FAM171A1: variants seen among roughly 807,000 people sequenced by gnomAD.
The protein encoded by FAM171A1 is family with sequence similarity 171 member A1, also known as protein FAM171A1.
Under a neutral mutation model 74.9 loss-of-function variants are expected in FAM171A1, and 23 were observed. That is an observed-to-expected ratio of 0.31 (90% confidence interval 0.22 to 0.44). FAM171A1 has a LOEUF of 0.44. Ranked by LOEUF, FAM171A1 falls within the 20% of genes least tolerant of loss-of-function variation. The pLI, the probability that FAM171A1 is intolerant of heterozygous loss-of-function variation, is 1.00. For missense variants in FAM171A1, 1,162 were observed against 1,159.2 expected (o/e 1.00, Z -0.03); for synonymous variants, 527 against 505.7 (o/e 1.04, Z -0.57).
chr10:15,287,518 G>C (rs1316021294), intron 1 of FAM171A1, among the ~76,000 whole-genome samples: 1 of 151,860 alleles, frequency 6.6e-6, no homozygotes, highest in Non-Finnish European at 1.5e-5. Flanking sequence ...CACCAGAGTA[G>C]CTGGGACTAC....
intron 1 of FAM171A1, among the ~76,000 whole-genome samples, chr10:15,312,634 G>T (rs1312371769): frequency 1.5e-5 from 2 of 130,912 alleles, no homozygotes; most frequent in African/African-American, 5.8e-5. Flanking sequence ...TCTGTCACCG[G>T]AATGTAAATC....
Position 15,315,699 on chromosome 10 carries a change from A to G in FAM171A1, c.98-31594T>C, listed in dbSNP as rs190358268. ...GAGACCTTGATCATGCTAGAAAGCC[A>G]TCGCCTTACCTCCCTGGGATTCACC... On this transcript the variant is annotated intron_variant, in intron 1 of 7. Transcript: ENST00000378116. Among the ~76,000 whole-genome samples, 718 of 152,258 alleles carry G rather than the reference A, an allele frequency of 4.7e-3. 2 individuals are homozygous for G. The highest frequency in any genetic ancestry group is 5.9e-3 in the Non-Finnish European group (401 of 68,028).
intron 1 of FAM171A1, among the ~76,000 whole-genome samples, chr10:15,346,251 A>G (rs568858539): frequency 6.6e-6 from 1 of 152,084 alleles, no homozygotes; most frequent in Non-Finnish European, 1.5e-5. Flanking sequence ...GCGCATCACC[A>G]TGCCTGGTTA....
At chr10:15,274,996 G>A (rs766563626) in intron 3 of FAM171A1, among the ~76,000 whole-genome samples, 31 of 152,096 alleles carry the variant, frequency 2.0e-4, no homozygotes, top group African/African-American at 3.6e-4. Context: ...GCAAACTATC[G>A]CAAGGACAGA....
At chr10:15,313,230 C>G (rs148814171) in intron 1 of FAM171A1, among the ~76,000 whole-genome samples, 1 of 152,352 alleles carries the variant, frequency 6.6e-6, no homozygotes, top group East Asian at 1.9e-4. Flanking sequence ...CAGCAGTAAA[C>G]CTCCTGTTCC....
rs138419339 is a variant in FAM171A1 at position 15,301,695 on chromosome 10, T to A, written c.98-17590A>T. Reference sequence around the variant, plus strand: ...CCTCTTTGCATTGCCCTGTGGGAAATGGGGTTCAGGGAACTGGAGCAAGAA... The same window carrying A: ...CCTCTTTGCATTGCCCTGTGGGAAAAGGGGTTCAGGGAACTGGAGCAAGAA... On this transcript the variant is annotated intron_variant, in intron 1 of 7. Transcript: ENST00000378116. Among the ~76,000 whole-genome samples, 15 of 152,202 alleles carry A rather than the reference T, an allele frequency of 9.9e-5. No individual in the cohort carries two copies. In the East Asian group the frequency reaches 2.7e-3, roughly 27 times the overall value.
intron 1 of FAM171A1, among the ~76,000 whole-genome samples, chr10:15,287,095 T>C (rs1031028763): frequency 3.4e-5 from 5 of 149,010 alleles, no homozygotes; most frequent in Non-Finnish European, 3.0e-5. Flanking sequence ...CTTCTTCTTT[T>C]TTTTTTTTTT....
intron 1 of FAM171A1, among the ~76,000 whole-genome samples, chr10:15,347,623 G>A (rs1171789422): frequency 1.3e-5 from 2 of 151,998 alleles, no homozygotes; most frequent in African/African-American, 2.4e-5. Flanking sequence ...GGATGACAAA[G>A]TCAAGAGATG....
At chr10:15,294,272 G>A (rs1321432759) in intron 1 of FAM171A1, among the ~76,000 whole-genome samples, 1 of 152,098 alleles carries the variant, frequency 6.6e-6, no homozygotes, top group Non-Finnish European at 1.5e-5. Flanking sequence ...TATCTAGCTG[G>A]GGACCATCTC....
At chr10:15,255,387 A>G (rs2131769615) in intron 3 of FAM171A1, among the ~76,000 whole-genome samples, 1 of 152,346 alleles carries the variant, frequency 6.6e-6, no homozygotes, top group African/African-American at 2.4e-5. Flanking sequence ...AATTGCAAAC[A>G]ATACCCCAGC....
At chr10:15,330,877 C>G (rs12764707) in intron 1 of FAM171A1, among the ~76,000 whole-genome samples, 10,933 of 151,566 alleles carry the variant, frequency 0.072, 504 homozygotes, top group Middle Eastern at 0.11. Context: ...GCCACCACAC[C>G]TGGCTAATTT....
At chr10:15,346,401 G>A (rs1835817492) in intron 1 of FAM171A1, among the ~76,000 whole-genome samples, 1 of 152,152 alleles carries the variant, frequency 6.6e-6, no homozygotes, top group Admixed American at 6.5e-5. Flanking sequence ...CCAGCCCACA[G>A]GCATGTTCTT....
At chr10:15,365,546 G>A (rs757153122) in intron 1 of FAM171A1, among the ~76,000 whole-genome samples, 1 of 152,160 alleles carries the variant, frequency 6.6e-6, no homozygotes, top group Non-Finnish European at 1.5e-5. Flanking sequence ...CTAGGTGGGA[G>A]GACTGTCTGA....
chr10:15,348,690 G>A (rs769884875), intron 1 of FAM171A1, among the ~76,000 whole-genome samples: 81 of 152,284 alleles, frequency 5.3e-4, no homozygotes, highest in Middle Eastern at 3.4e-3. Flanking sequence ...CAGCCTCTCA[G>A]GGGCCACACG....
At chr10:15,252,858 A>G (rs1291799880) in intron 4 of FAM171A1, among the ~76,000 whole-genome samples, 2 of 152,162 alleles carry the variant, frequency 1.3e-5, no homozygotes, top group Non-Finnish European at 2.9e-5. Flanking sequence ...CAGACTGCAT[A>G]ATTTATTCAA....
In FAM171A1 at chr10:15,295,990, A is replaced by G. The variant is rs7905379; in HGVS notation, c.98-11885T>C. 5.3e-3 allele frequency among the ~76,000 whole-genome samples: 814 copies of G among 152,340 alleles called. 7 individuals carry two copies. Among genetic ancestry groups the G allele is most frequent in the African/African-American group, 0.018 (752 of 41,578 alleles). On this transcript the variant is annotated intron_variant, in intron 1 of 7. Transcript: ENST00000378116. The stretch of plus-strand genomic sequence containing the variant: ...AAAAATGTTACCTGACCTTTGCTCT[A>G]CGAGGTTTTGCCCCATGTTACTTGG...
chr10:15,366,089 C>T (rs1836057797), intron 1 of FAM171A1, among the ~76,000 whole-genome samples: 1 of 152,104 alleles, frequency 6.6e-6, no homozygotes, highest in Non-Finnish European at 1.5e-5. Flanking sequence ...TTATTTCATA[C>T]AATTCTTTGG....
At chr10:15,315,526 AC>A (rs1345613680) in intron 1 of FAM171A1, among the ~76,000 whole-genome samples, 1 of 152,168 alleles carries the variant, frequency 6.6e-6, no homozygotes, top group Non-Finnish European at 1.5e-5. Flanking sequence ...CTGTGACAGC[AC>A]CCTGGAGAAA....
At chr10:15,322,840 A>ATG (rs1835502578) in intron 1 of FAM171A1, among the ~76,000 whole-genome samples, 2 of 152,234 alleles carry the variant, frequency 1.3e-5, no homozygotes, top group Non-Finnish European at 2.9e-5. Flanking sequence ...TTTGCAATAA[A>ATG]AAGTACACCT....
Sources: allele counts gnomAD v4.1 joint callset (sites outside exome capture counted in the v4.1 genomes callset), GRCh38; gene constraint gnomAD v4.1.1; transcripts MANE v1.5; gene names NCBI Gene and HGNC (gene_info 2026-07-23, HGNC 2026-07-21).